The following PTPN14 variants were observed in gnomAD, a reference collection of about 807,000 sequenced individuals.
The protein encoded by PTPN14 is protein tyrosine phosphatase non-receptor type 14, also known as tyrosine-protein phosphatase non-receptor type 14.
PTPN14 carries 53 observed loss-of-function variants against 126.8 expected under a neutral mutation model. The observed-to-expected ratio is 0.42, with a 90% CI of 0.34 to 0.53. The LOEUF (loss-of-function observed/expected upper bound fraction) is 0.53, where lower values mean the gene tolerates loss of function less well. PTPN14 is among the 20% of genes least tolerant of loss of function. The pLI is 0.08. For missense variants in PTPN14, 1,257 were observed against 1,552.9 expected, an observed-to-expected ratio of 0.81 and a Z score of 3.20; for synonymous variants, 630 against 599.3, an observed-to-expected ratio of 1.05 and a Z score of -0.75.
chr1:214,393,090 C>T (rs1157701522), intron 10 of PTPN14, among the ~76,000 whole-genome samples: 1 of 152,140 alleles, frequency 6.6e-6, no homozygotes, highest in Admixed American at 6.5e-5. Flanking sequence ...GAGGTCAGGC[C>T]GCATTTAAGT....
intron 1 of PTPN14, among the ~76,000 whole-genome samples, chr1:214,486,241 G>A (rs934180241): frequency 6.6e-6 from 1 of 152,132 alleles, no homozygotes; most frequent in East Asian, 1.9e-4. Context: ...CTGTACATAT[G>A]TTATCTCTCA....
chr1:214,443,144 A>G (rs1660072103), intron 3 of PTPN14, among the ~76,000 whole-genome samples: 2 of 152,186 alleles, frequency 1.3e-5, no homozygotes, highest in South Asian at 4.1e-4. Flanking sequence ...CTTTCACACC[A>G]TATCTTTTTC....
rs1317753882 is a variant in PTPN14, at chr1:214,364,757, CTGA to C, written c.3272-85_3272-83del. On this transcript the variant is annotated intron_variant, in intron 17 of 18. Coordinates refer to ENST00000366956, the MANE Select transcript of PTPN14 (RefSeq NM_005401.5). The surrounding 1 kb of genome is among the most constrained non-coding windows in gnomAD (Gnocchi z 4.1). ...TTGGGGAGGGGGGAGCGGAAGAGAA[CTGA>C]TGGTGAGTGTGTGTGTGTGTGTGTG... 1.0e-4 allele frequency: 101 copies of C among 1,000,418 alleles called. No homozygotes were observed. The highest frequency in any genetic ancestry group is 3.3e-4 in the African/African-American group (14 of 42,640). The allele number at this position is 1,000,418 out of a possible 1,614,324, so 62.0% of individuals were successfully genotyped here.
chr1:214,374,313 T>A (rs558586641), intron 15 of PTPN14, among the ~76,000 whole-genome samples: 1 of 152,320 alleles, frequency 6.6e-6, no homozygotes, highest in African/African-American at 2.4e-5. Flanking sequence ...GCAAGAAAAA[T>A]CCATTTTCCA....
At chr1:214,387,634 T>C (rs1422352350) in intron 11 of PTPN14, among the ~76,000 whole-genome samples, 1 of 144,128 alleles carries the variant, frequency 6.9e-6, no homozygotes, top group Non-Finnish European at 1.5e-5. Context: ...GCCAAGATCA[T>C]GCTACCGCAC....
intron 2 of PTPN14, among the ~76,000 whole-genome samples, chr1:214,464,216 C>CAA (rs11316078): frequency 8.2e-4 from 100 of 121,946 alleles, no homozygotes; most frequent in Admixed American, 3.0e-3. Context: ...TAGAAACAAC[C>CAA]AAAAAAAAAA....
chr1:214,401,350 A>G (rs1308043683), intron 7 of PTPN14, among the ~76,000 whole-genome samples: 1 of 152,246 alleles, frequency 6.6e-6, no homozygotes, highest in African/African-American at 2.4e-5. Context: ...TACTGACTAG[A>G]GTCTTCATTA....
chr1:214,452,867 C>T (rs2102636233), intron 2 of PTPN14, among the ~76,000 whole-genome samples: 1 of 152,286 alleles, frequency 6.6e-6, no homozygotes, highest in African/African-American at 2.4e-5. Flanking sequence ...GAATGGTTTA[C>T]AGCACACCTG....
Position 214,383,712 on chromosome 1 carries a change from C to G in PTPN14, c.2143G>C (p.Glu715Gln), listed in dbSNP as rs372601623. Residue 715 changes from glutamate (E) to glutamine (Q), a missense_variant, in exon 13 of 19, where the codon GAG becomes CAG. This residue lies in a region of PTPN14 where 1,021 missense variants were observed against 1,183.3 expected (regional missense o/e 0.86). Transcript: ENST00000366956. The surrounding 1 kb of genome is among the most constrained non-coding windows in gnomAD (Gnocchi z 4.4). The part of the protein sequence containing the change: ...IHSSESEEEE[E>Q]EAPESVPQIP... ...TGGGGCACCGATTCTGGAGCCTCCT[C>G]CTCCTCCTCCTCACTCTCGCTGCTG... 9.9e-6 allele frequency: 16 copies of G among 1,611,904 alleles called. No homozygotes were observed. In the African/African-American group the frequency reaches 1.8e-4, roughly 18 times the overall value.
intron 16 of PTPN14, 73 bp downstream of exon 16, chr1:214,372,638 A>C: frequency 6.2e-7 from 1 of 1,606,520 alleles, no homozygotes; most frequent in Admixed American, 1.7e-5. Context: ...AGCAAAGTTG[A>C]CAGCACAAAG....
chr1:214,387,124 G>T lies in PTPN14; in HGVS notation c.988-202C>A, dbSNP rs541361617. On this transcript the variant is annotated intron_variant, in intron 11 of 18. Transcript: ENST00000366956. ...CACTAAGTTTGGAACTGGAGAAACA[G>T]TAAGGGAGAAATGAAGTTGGTTCAA... Among the ~76,000 whole-genome samples, 22 of 152,342 alleles carry T rather than the reference G, an allele frequency of 1.4e-4. No individual in the cohort carries two copies. In the South Asian group the frequency reaches 4.6e-3, roughly 32 times the overall value.
intron 1 of PTPN14, among the ~76,000 whole-genome samples, chr1:214,465,355 A>G (rs939530107): frequency 1.4e-4 from 22 of 152,176 alleles, no homozygotes; most frequent in Non-Finnish European, 2.8e-4. Flanking sequence ...CATGCCTGTA[A>G]TCCCAGCATT....
rs1405764874 is a variant in PTPN14 at position 214,369,671 on chromosome 1, G to T, written c.3057C>A (p.Ser1019Arg). The T allele has an allele frequency of 6.2e-7, 1 of 1,614,048 alleles. No homozygotes were observed. The highest frequency in any genetic ancestry group is 8.5e-7 in the Non-Finnish European group (1 of 1,180,010). The part of the protein sequence containing the change: ...TAEEEGGRTK[S>R]HRYWPKLGSK... ...AACCTAGTTTGGGCCAGTATCGGTG[G>T]CTTTTGGTTCGTCCACCCTCCTAAA... is the stretch of plus-strand genomic sequence containing the variant. The change falls in exon 17 of 19, where the codon AGC becomes AGA. Residue 1019 changes from serine to arginine, a missense_variant. Around this residue, in one of 3 missense-constraint regions of PTPN14, gnomAD observed 171 missense variants for 229.8 expected, o/e 0.74. Coordinates refer to ENST00000366956, the MANE Select transcript of PTPN14 (RefSeq NM_005401.5).
Position 214,352,712 on chromosome 1 carries a change from C to T in PTPN14, c.*5210G>A, listed in dbSNP as rs1305219495. ...GCCAACTAGTGTGCCAACCATAAGG[C>T]TGTAGGCCATTGGAGAATTTGTGTG... On this transcript the variant is annotated 3_prime_UTR_variant, in exon 19 of 19. Transcript: ENST00000366956. The T allele has an allele frequency of 6.6e-6, 1 of 152,200 alleles. No homozygotes were observed. The highest frequency in any genetic ancestry group is 2.4e-5 in the African/African-American group (1 of 41,448). 9.4% of individuals were successfully genotyped at this position (152,200 alleles called of 1,614,324 possible). A position where few individuals can be genotyped will look rare whatever the true frequency, so the allele number is the denominator to read the frequency against.
intron 1 of PTPN14, chr1:214,529,652 G>C (rs970629312): frequency 6.6e-6 from 1 of 152,312 alleles, no homozygotes; most frequent in Non-Finnish European, 1.5e-5. Context: ...GGGAGACTGA[G>C]GCAGGCAGAT....
chr1:214,450,920 G>A (rs746543175), intron 3 of PTPN14, among the ~76,000 whole-genome samples: 34 of 152,208 alleles, frequency 2.2e-4, no homozygotes, highest in Non-Finnish European at 4.4e-4. Context: ...AGCTAAAGCA[G>A]ACACTGAGTA....
At chr1:214,437,315 T>A (rs1017310969) in intron 3 of PTPN14, among the ~76,000 whole-genome samples, 4 of 152,118 alleles carry the variant, frequency 2.6e-5, no homozygotes, top group Non-Finnish European at 5.9e-5. Context: ...AAATTAAAAT[T>A]CAATCTGTAA....
Position 214,478,641 on chromosome 1 carries a change from C to A in PTPN14, c.-154-13684G>T, listed in dbSNP as rs183098457. Among the ~76,000 whole-genome samples the A allele has an allele frequency of 4.6e-3, 695 of 152,298 alleles. 4 individuals are homozygous for A. The highest frequency in any genetic ancestry group is 6.6e-3 in the Non-Finnish European group (450 of 68,016). On this transcript the variant is annotated intron_variant, in intron 1 of 18. Transcript: ENST00000366956. The stretch of plus-strand genomic sequence containing the variant: ...TGGAAGAAGGGTTCCTTCAGTAGAA[C>A]ACTCATGATTCATTGATCGTTTCAG...
chr1:214,462,400 C>T (rs1660533577), intron 2 of PTPN14, among the ~76,000 whole-genome samples: 1 of 152,178 alleles, frequency 6.6e-6, no homozygotes. Flanking sequence ...TCTAGCTTGA[C>T]CTGGTGATTC....
Sources: allele counts gnomAD v4.1 joint callset (sites outside exome capture counted in the v4.1 genomes callset), GRCh38; gene constraint gnomAD v4.1.1; regional missense constraint gnomAD v4.1.1; non-coding constraint Gnocchi (gnomAD v3.1); transcripts MANE v1.5; gene names NCBI Gene and HGNC (gene_info 2026-07-23, HGNC 2026-07-21).